Variants in JMJD1C observed in about 807,000 individuals in gnomAD.
The protein encoded by JMJD1C is jumonji domain-containing protein 1C.
In JMJD1C, 31 loss-of-function variants were observed where a neutral mutation model predicts 245.3. The observed-to-expected ratio is 0.13, with a 90% CI of 0.09 to 0.17. The LOEUF (loss-of-function observed/expected upper bound fraction) is 0.17. JMJD1C is among the 10% of genes least tolerant of loss of function. The pLI, the probability that JMJD1C is intolerant of heterozygous loss-of-function variation, is 1.00. For synonymous variants in JMJD1C, 1,057 were observed against 1,017.4 expected (o/e 1.04, Z -0.74); for missense variants, 2,691 against 3,000.2 (o/e 0.90, Z 2.41).
At chr10:63,293,599 CAT>C (rs1859031010) in intron 2 of JMJD1C, among the ~76,000 whole-genome samples, 2 of 152,256 alleles carry the variant, frequency 1.3e-5, no homozygotes, top group South Asian at 2.1e-4. Flanking sequence ...TTTATAATCA[CAT>C]GTGATCTAGC....
chr10:63,435,815 C>G (rs1951030019), intron 1 of JMJD1C, among the ~76,000 whole-genome samples: 1 of 152,178 alleles, frequency 6.6e-6, no homozygotes, highest in Non-Finnish European at 1.5e-5. Context: ...ATGAGAACTG[C>G]TAGAACCCAG....
intron 1 of JMJD1C, chr10:63,489,584 C>T (rs1042697692): frequency 1.2e-5 from 2 of 162,084 alleles, no homozygotes; most frequent in Non-Finnish European, 2.6e-5. Flanking sequence ...AAAAGTACTG[C>T]AAGCAAGAGG....
intron 1 of JMJD1C, among the ~76,000 whole-genome samples, chr10:63,452,047 A>G (rs887511474): frequency 1.3e-5 from 2 of 152,324 alleles, no homozygotes; most frequent in Non-Finnish European, 2.9e-5. Flanking sequence ...ACTTCTGGGA[A>G]ATGACACCAA....
chr10:63,217,091 C>A (rs975601771), intron 5 of JMJD1C, 116 bp downstream of exon 5: 3 of 917,968 alleles, frequency 3.3e-6, no homozygotes, highest in African/African-American at 3.4e-5. Flanking sequence ...TAGAATTACA[C>A]GACTAAAAAC....
At position 63,227,577 on chromosome 10, in the gene JMJD1C, A is replaced by G. The variant is rs944060046; in HGVS notation, c.448-7594T>C. 3.9e-5 allele frequency among the ~76,000 whole-genome samples: 6 copies of G among 152,332 alleles called. 1 individual carries two copies. The highest frequency in any genetic ancestry group is 1.2e-4 in the African/African-American group (5 of 41,572). The stretch of plus-strand genomic sequence containing the variant: ...AATGCTCACTTTCAAATTGATACTG[A>G]TATGTGTGGCTTATTAATGGAATGA... On this transcript the variant is annotated intron_variant, in intron 3 of 25. Coordinates refer to ENST00000399262, the MANE Select transcript of JMJD1C (RefSeq NM_032776.3).
rs1296863749 is a variant in JMJD1C at position 63,206,898 on chromosome 10, A to T, written c.4771T>A (p.Ser1591Thr). 6.2e-7 allele frequency: 1 copy of T among 1,608,798 alleles called. No homozygotes were observed. Among genetic ancestry groups the T allele is most frequent in the East Asian group, 2.2e-5 (1 of 44,852 alleles). ...PCSVNLIAST[S>T]SDIQNSVDSK... Reference sequence around the variant, plus strand: ...TCTACACTATTTTGTATATCACTAGATGTAGAGGCTATTAAGTTGACAGAA... The same window carrying T: ...TCTACACTATTTTGTATATCACTAGTTGTAGAGGCTATTAAGTTGACAGAA... The change falls in exon 10 of 26, where the codon TCT becomes ACT. Residue 1591 changes from serine to threonine, a missense_variant. By Grantham distance (58) the Ser-to-Thr change is moderately conservative. Around this residue, in one of 9 missense-constraint regions of JMJD1C, gnomAD observed 144 missense variants for 143.3 expected, o/e 1.00. Transcript: ENST00000399262.
At chr10:63,285,198 C>T (rs559517566) in intron 2 of JMJD1C, among the ~76,000 whole-genome samples, 8 of 152,046 alleles carry the variant, frequency 5.3e-5, no homozygotes, top group African/African-American at 4.8e-5. Context: ...GTAGCACGCA[C>T]GACAGAAAAA....
At chr10:63,226,775 A>G (rs1849341533) in intron 3 of JMJD1C, among the ~76,000 whole-genome samples, 1 of 145,486 alleles carries the variant, frequency 6.9e-6, no homozygotes. Flanking sequence ...GGCTGAAATC[A>G]GGCCGGGTGT....
intron 22 of JMJD1C, among the ~76,000 whole-genome samples, chr10:63,178,280 G>A (rs1385187676): frequency 6.6e-6 from 1 of 152,122 alleles, no homozygotes; most frequent in Non-Finnish European, 1.5e-5. Flanking sequence ...ACAGTTATAT[G>A]TTCATAACTT....
chr10:63,288,366 G>A (rs1589392033), intron 2 of JMJD1C, among the ~76,000 whole-genome samples: 1 of 152,176 alleles, frequency 6.6e-6, no homozygotes, highest in Non-Finnish European at 1.5e-5. Context: ...ATGTCTGAAT[G>A]TACCACAGCT....
chr10:63,477,739 A>T (rs971826011), intron 1 of JMJD1C, among the ~76,000 whole-genome samples: 4 of 152,158 alleles, frequency 2.6e-5, no homozygotes, highest in Non-Finnish European at 4.4e-5. Flanking sequence ...CAAAAGCAAG[A>T]TTCATAAAAC....
At chr10:63,387,601 C>T (rs1466242270) in intron 1 of JMJD1C, among the ~76,000 whole-genome samples, 1 of 145,124 alleles carries the variant, frequency 6.9e-6, no homozygotes, top group African/African-American at 2.6e-5. Context: ...TTTGAAATAA[C>T]CCAGTCAGAA....
Position 63,367,345 on chromosome 10 carries a change from C to T in JMJD1C, c.333+12973G>A, listed in dbSNP as rs543686817. Among the ~76,000 whole-genome samples, 3 of 152,236 alleles carry T rather than the reference C, an allele frequency of 2.0e-5. No homozygotes were observed. In the South Asian group the frequency reaches 6.2e-4, roughly 32 times the overall value. On this transcript the variant is annotated intron_variant, in intron 2 of 25. Coordinates refer to ENST00000399262, the MANE Select transcript of JMJD1C (RefSeq NM_032776.3). ...CACCGCAACCTCCACCTTCCAGGTT[C>T]GAGCAATTCTCCTGCCTCAGCCTCC...
At chr10:63,283,566 C>A (rs1857642944) in intron 2 of JMJD1C, among the ~76,000 whole-genome samples, 1 of 152,020 alleles carries the variant, frequency 6.6e-6, no homozygotes, top group African/African-American at 2.4e-5. Context: ...TGGGGTTTCA[C>A]CATGTTGGTC....
chr10:63,301,927 C>T (rs768539968), intron 2 of JMJD1C: 2 of 282,592 alleles, frequency 7.1e-6, no homozygotes, highest in South Asian at 5.7e-5. Context: ...GGAAACCAAT[C>T]CATTTCCTAT....
Position 63,167,355 on chromosome 10 carries a change from A to G in JMJD1C, c.*690T>C, listed in dbSNP as rs1564538141. On this transcript the variant is annotated 3_prime_UTR_variant, in exon 26 of 26. Transcript: ENST00000399262. ...AAAAAATACATCATTAAATGTATAT[A>G]TGTATATATTTACATAGCATATTAA... 6.6e-6 allele frequency: 1 copy of G among 152,622 alleles called. No homozygotes were observed. The highest frequency in any genetic ancestry group is 2.4e-5 in the African/African-American group (1 of 41,450). The allele number at this position is 152,622 out of a possible 1,614,324, so 9.5% of individuals were successfully genotyped here.
At chr10:63,225,582 G>A (rs144611132) in intron 3 of JMJD1C, among the ~76,000 whole-genome samples, 57 of 151,820 alleles carry the variant, frequency 3.8e-4, no homozygotes, top group Non-Finnish European at 6.0e-4. Flanking sequence ...TTAGGGGTTC[G>A]ACCTGGCCAA....
chr10:63,475,815 T>G (rs1483798161), intron 1 of JMJD1C, among the ~76,000 whole-genome samples: 1 of 152,090 alleles, frequency 6.6e-6, no homozygotes, highest in Non-Finnish European at 1.5e-5. Flanking sequence ...GAAGTTCAGG[T>G]GCGCAGATAA....
intron 10 of JMJD1C, among the ~76,000 whole-genome samples, chr10:63,201,787 T>C (rs1413141021): frequency 6.6e-6 from 1 of 151,620 alleles, no homozygotes; most frequent in Non-Finnish European, 1.5e-5. Context: ...AAAATTAGCC[T>C]GGCATGGTGG....
Sources: gnomAD v4.1 joint callset for allele counts (sites outside exome capture counted in the v4.1 genomes callset) on GRCh38, gnomAD v4.1.1 for gene constraint, gnomAD v4.1.1 regional missense constraint, MANE v1.5 for transcripts, NCBI Gene and HGNC (gene_info 2026-07-23, HGNC 2026-07-21) for gene names.